Variants in NTNG2 observed in about 807,000 individuals in gnomAD.
The protein encoded by NTNG2 is netrin-G2.
A neutral mutation model predicts 47.6 loss-of-function variants in NTNG2; 15 were observed. The ratio of observed to expected loss-of-function variants is 0.32; its 90% confidence interval spans 0.21 to 0.49. The LOEUF is 0.49. NTNG2 is among the 20% of genes least tolerant of loss of function. NTNG2 has a pLI of 0.99. For synonymous variants in NTNG2, 307 were observed against 324.6 expected (o/e 0.95, Z 0.58); for missense variants, 578 against 764.6 (o/e 0.76, Z 2.88).
At position 132,198,575 on chromosome 9, in the gene NTNG2, T is replaced by C. The variant is rs756142755; in HGVS notation, c.823T>C (p.Phe275Leu). The C allele has an allele frequency of 1.9e-6, 3 of 1,610,962 alleles. No homozygotes were observed. Among genetic ancestry groups the C allele is most frequent in the Non-Finnish European group, 1.7e-6 (2 of 1,178,206 alleles). The stretch of plus-strand genomic sequence containing the variant: ...GCAGCGGGAGAACCTCTACAAGTAC[T>C]TCTACGCCATCTCCAACATCGAGGT... Reference protein sequence around the residue: ...YVQRENLYKYFYAISNIEVIG... With the variant: ...YVQRENLYKYLYAISNIEVIG... Residue 275 changes from phenylalanine to leucine, a missense_variant, in exon 3 of 8, where the codon TTC (phenylalanine) becomes CTC (leucine). Transcript: ENST00000393229.
At chr9:132,210,941 C>T (rs1218710534) in intron 3 of NTNG2, among the ~76,000 whole-genome samples, 1 of 152,314 alleles carries the variant, frequency 6.6e-6, no homozygotes, top group East Asian at 1.9e-4. Flanking sequence ...TAACATGCCC[C>T]TGACTCACAC....
At chr9:132,222,721 C>G (rs915102135) in intron 3 of NTNG2, among the ~76,000 whole-genome samples, 1 of 152,214 alleles carries the variant, frequency 6.6e-6, no homozygotes, top group Non-Finnish European at 1.5e-5. Context: ...GCAGGATTCT[C>G]TCCTCCTCCT....
At chr9:132,224,972 G>C (rs904244731) in intron 3 of NTNG2, among the ~76,000 whole-genome samples, 5 of 152,034 alleles carry the variant, frequency 3.3e-5, no homozygotes, top group Non-Finnish European at 7.4e-5. Context: ...TCCCAGGCTG[G>C]AGTGCAGTGG....
intron 2 of NTNG2, among the ~76,000 whole-genome samples, chr9:132,196,215 A>G (rs1293604528): frequency 6.6e-6 from 1 of 151,760 alleles, no homozygotes; most frequent in African/African-American, 2.4e-5. Flanking sequence ...TTTGATACGG[A>G]GTTTCACTCT....
chr9:132,191,137 A>G (rs1292345673), intron 2 of NTNG2, among the ~76,000 whole-genome samples: 1 of 152,150 alleles, frequency 6.6e-6, no homozygotes. Context: ...GCGGCTGTGA[A>G]GTGCCCAACC....
Position 132,226,127 on chromosome 9 carries a change from G to A in NTNG2, c.858-722G>A, listed in dbSNP as rs1017397087. ...TTCATCAGGGACTGCAAATTCTCTC[G>A]TGAAATGCTTCTATAAAAAGAAGCT... On this transcript the variant is annotated intron_variant, in intron 3 of 7. Transcript: ENST00000393229. The surrounding 1 kb of genome is among the most constrained non-coding windows in gnomAD (Gnocchi z 4.8). 6.6e-6 allele frequency among the ~76,000 whole-genome samples: 1 copy of A among 152,140 alleles called. No homozygotes were observed. The highest frequency in any genetic ancestry group is 2.4e-5 in the African/African-American group (1 of 41,418).
intron 2 of NTNG2, among the ~76,000 whole-genome samples, chr9:132,175,432 C>G (rs1256647733): frequency 6.6e-6 from 1 of 152,206 alleles, no homozygotes; most frequent in Non-Finnish European, 1.5e-5. Context: ...TGGTCCAGAG[C>G]TCACCAGGCT....
intron 7 of NTNG2, 125 bp downstream of exon 7, chr9:132,241,169 G>A: frequency 7.9e-7 from 1 of 1,259,618 alleles, no homozygotes; most frequent in Non-Finnish European, 1.1e-6. Context: ...GACGGGGCAG[G>A]GCCGGGGAAG....
chr9:132,198,326 C>A lies in NTNG2; in HGVS notation c.574C>A (p.Arg192Ser), dbSNP rs765705117. 1 of 1,612,758 alleles carries A rather than the reference C, an allele frequency of 6.2e-7. No individual in the cohort carries two copies. Among genetic ancestry groups the A allele is most frequent in the East Asian group, 2.2e-5 (1 of 44,882 alleles). ...CGACATGTCATCCTCCAGCGCGCACCGCGTGCTCTGCACCGAGGAGTACTC... is the reference window on the plus strand; with the variant it reads ...CGACATGTCATCCTCCAGCGCGCACAGCGTGCTCTGCACCGAGGAGTACTC... ...ARDMSSSSAH[R>S]VLCTEEYSRW... The change falls in exon 3 of 8, where the codon CGC becomes AGC. Residue 192 changes from arginine to serine, a missense_variant. By Grantham distance (110) the Arg-to-Ser change is moderately radical (BLOSUM62 -1). Coordinates refer to ENST00000393229, the MANE Select transcript of NTNG2 (RefSeq NM_032536.4).
chr9:132,190,241 A>T (rs1837776587), intron 2 of NTNG2, among the ~76,000 whole-genome samples: 1 of 48,008 alleles, frequency 2.1e-5, no homozygotes, highest in East Asian at 7.4e-4. Flanking sequence ...TCAAAAAAAA[A>T]AAAAAAAAAA....
intron 3 of NTNG2, among the ~76,000 whole-genome samples, chr9:132,213,291 C>A (rs1345855820): frequency 6.9e-6 from 1 of 145,530 alleles, no homozygotes; most frequent in Non-Finnish European, 1.5e-5. Context: ...CACTGCACTC[C>A]AGCCTCCAGC....
chr9:132,198,736 G>C, intron 3 of NTNG2, 127 bp downstream of exon 3: 1 of 1,013,460 alleles, frequency 9.9e-7, no homozygotes. Flanking sequence ...GATGTTACCT[G>C]GTTCCCTGGG....
At chr9:132,227,800 G>A (rs570101014) in intron 4 of NTNG2, among the ~76,000 whole-genome samples, 1 of 152,320 alleles carries the variant, frequency 6.6e-6, no homozygotes, top group South Asian at 2.1e-4. Flanking sequence ...CGCTAGCGTA[G>A]TCCACACTGT....
chr9:132,233,302 T>A (rs1016535247), intron 5 of NTNG2: 1 of 151,728 alleles, frequency 6.6e-6, no homozygotes, highest in Non-Finnish European at 1.5e-5. Context: ...CACACATGCA[T>A]GCACACACAC....
Position 132,166,373 on chromosome 9 carries a change from G to T in NTNG2, c.-459G>T. The T allele has an allele frequency of 5.5e-6, 1 of 183,224 alleles. No homozygotes were observed. The highest frequency in any genetic ancestry group is 5.3e-5 in the Admixed American group (1 of 18,702). The allele number at this position is 183,224 out of a possible 1,614,324, so 11.3% of individuals were successfully genotyped here. A position where few individuals can be genotyped will look rare whatever the true frequency, so the allele number is the denominator to read the frequency against. ...GGCTGGAGGGTTGTTTTGCCGTTGT[G>T]TTGAGCACGTCACCCATTAAGAGCC... is the stretch of plus-strand genomic sequence containing the variant. On this transcript the variant is annotated 5_prime_UTR_variant, in exon 2 of 8. Coordinates refer to ENST00000393229, the MANE Select transcript of NTNG2 (RefSeq NM_032536.4).
At chr9:132,205,298 C>G (rs972396442) in intron 3 of NTNG2, among the ~76,000 whole-genome samples, 1 of 152,158 alleles carries the variant, frequency 6.6e-6, no homozygotes, top group Non-Finnish European at 1.5e-5. Context: ...GAGAACCTGA[C>G]ACACGCTGCG....
Position 132,165,084 on chromosome 9 carries a change from A to C in NTNG2, c.-483-1265A>C, listed in dbSNP as rs117070574. Among the ~76,000 whole-genome samples, 1,191 of 152,344 alleles carry C rather than the reference A, an allele frequency of 7.8e-3. 7 individuals are homozygous for C. Among genetic ancestry groups the C allele is most frequent in the South Asian group, 0.037 (181 of 4,828 alleles). On this transcript the variant is annotated intron_variant, in intron 1 of 7. Coordinates refer to ENST00000393229, the MANE Select transcript of NTNG2 (RefSeq NM_032536.4). ...TGGGGTGGTTTGGGAAATCAAATGCAATCATCGAAGACATATTAACCAGAA... is the reference window on the plus strand; with the variant it reads ...TGGGGTGGTTTGGGAAATCAAATGCCATCATCGAAGACATATTAACCAGAA...
intron 2 of NTNG2, among the ~76,000 whole-genome samples, chr9:132,192,854 G>C (rs1838001339): frequency 6.6e-6 from 1 of 152,256 alleles, no homozygotes; most frequent in Non-Finnish European, 1.5e-5. Flanking sequence ...TGTTGACTGA[G>C]CTCGCTCCAC....
At chr9:132,217,796 C>T (rs1840087939) in intron 3 of NTNG2, among the ~76,000 whole-genome samples, 1 of 152,188 alleles carries the variant, frequency 6.6e-6, no homozygotes, top group Admixed American at 6.5e-5. Flanking sequence ...CAGCAACTTT[C>T]CTGAGGTCAC....
Sources: gnomAD v4.1 joint callset for allele counts (sites outside exome capture counted in the v4.1 genomes callset) on GRCh38, gnomAD v4.1.1 for gene constraint, Gnocchi (gnomAD v3.1) non-coding constraint, MANE v1.5 for transcripts, NCBI Gene and HGNC (gene_info 2026-07-23, HGNC 2026-07-21) for gene names.